Variants in FAM135B observed in about 807,000 individuals in gnomAD.
FAM135B encodes the protein protein FAM135B.
Under a neutral mutation model 127.7 loss-of-function variants are expected in FAM135B, and 43 were observed. The observed-to-expected ratio is 0.34, with a 90% CI of 0.26 to 0.43. The LOEUF is 0.43. Among genes scored for constraint, FAM135B ranks in the 20% least tolerant of loss-of-function variants. The pLI is 1.00. For missense variants in FAM135B, 1,558 were observed against 1,725.6 expected, an observed-to-expected ratio of 0.90 and a Z score of 1.72; for synonymous variants, 670 against 665.1, an observed-to-expected ratio of 1.01 and a Z score of -0.11.
chr8:138,338,718 T>C (rs537875976), intron 2 of FAM135B, among the ~76,000 whole-genome samples: 83 of 152,180 alleles, frequency 5.5e-4, no homozygotes, highest in African/African-American at 2.0e-3. Context: ...CTCAGGGATC[T>C]AGAACTAGAA....
In FAM135B at chr8:138,152,666, A is replaced by T. The variant is rs1818280281; in HGVS notation, c.1809T>A (p.Asn603Lys). ...GAGTTGTTTTGTCTGAAGAGATGGC[A>T]TTTTGGTGGCTTCCACCTACTACCA... ...SKVVVGGSHQ[N>K]AISSDKTTLH... Residue 603 changes from asparagine to lysine, a missense_variant, in exon 13 of 20, where the codon AAT (asparagine) becomes AAA (lysine). Physicochemically the swap from Asn to Lys is moderately conservative, Grantham distance 94. Around this residue, in one of 5 missense-constraint regions of FAM135B, gnomAD observed 923 missense variants for 865.3 expected, o/e 1.07. Transcript: ENST00000395297. 1.2e-6 allele frequency: 2 copies of T among 1,614,038 alleles called. No individual in the cohort carries two copies. Among genetic ancestry groups the T allele is most frequent in the Non-Finnish European group, 1.7e-6 (2 of 1,180,036 alleles).
At chr8:138,378,420 G>A (rs906744187) in intron 1 of FAM135B, among the ~76,000 whole-genome samples, 1 of 152,182 alleles carries the variant, frequency 6.6e-6, no homozygotes, top group Non-Finnish European at 1.5e-5. Flanking sequence ...ACTGCAAGTT[G>A]CTTTGGAGTC....
At chr8:138,173,312 A>T (rs1004444747) in intron 11 of FAM135B, among the ~76,000 whole-genome samples, 2 of 152,154 alleles carry the variant, frequency 1.3e-5, no homozygotes, top group Non-Finnish European at 1.5e-5. Context: ...AGAGGTTCAA[A>T]AATCTGCATT....
intron 1 of FAM135B, among the ~76,000 whole-genome samples, chr8:138,481,238 G>C (rs146927129): frequency 6.6e-6 from 1 of 152,334 alleles, no homozygotes; most frequent in East Asian, 1.9e-4. Flanking sequence ...CAGGCACTTT[G>C]TTAAGTCTGT....
intron 1 of FAM135B, among the ~76,000 whole-genome samples, chr8:138,488,011 A>G (rs1471838363): frequency 6.6e-6 from 1 of 151,792 alleles, no homozygotes; most frequent in Non-Finnish European, 1.5e-5. Context: ...CTCAAAAAAA[A>G]CAAAAAAAAA....
In FAM135B at chr8:138,152,090, A is replaced by G. The variant is rs369716038; in HGVS notation, c.2385T>C (p.Phe795=). 2 of 1,613,824 alleles carry G rather than the reference A, an allele frequency of 1.2e-6. No homozygotes were observed. The highest frequency in any genetic ancestry group is 2.7e-5 in the African/African-American group (2 of 74,924). ...DADTKQQDGG[F]AEPSDMHSKS... ...TGCTGTGCATATCTGAAGGTTCAGC[A>G]AAACCTCCATCTTGCTGCTTGGTGT... is the stretch of plus-strand genomic sequence containing the variant. The change falls in exon 13 of 20, where the codon TTT becomes TTC. Residue 795 remains phenylalanine (F), a synonymous_variant. Coordinates refer to ENST00000395297, the MANE Select transcript of FAM135B (RefSeq NM_015912.4).
At chr8:138,422,861 A>G (rs1271406548) in intron 1 of FAM135B, among the ~76,000 whole-genome samples, 1 of 152,210 alleles carries the variant, frequency 6.6e-6, no homozygotes, top group Non-Finnish European at 1.5e-5. Flanking sequence ...CATGTAATTT[A>G]CATACATATC....
At chr8:138,379,467 T>C (rs897426628) in intron 1 of FAM135B, among the ~76,000 whole-genome samples, 7 of 152,212 alleles carry the variant, frequency 4.6e-5, no homozygotes, top group Admixed American at 3.3e-4. Context: ...AACATCTGTA[T>C]GTTGTGCAAT....
intron 1 of FAM135B, among the ~76,000 whole-genome samples, chr8:138,473,344 G>A (rs953930005): frequency 3.9e-5 from 6 of 152,062 alleles, no homozygotes; most frequent in Non-Finnish European, 7.4e-5. Flanking sequence ...TCAAGAGTCC[G>A]TGGTGCCTAC....
intron 1 of FAM135B, among the ~76,000 whole-genome samples, chr8:138,436,264 C>G (rs1321397943): frequency 6.6e-6 from 1 of 152,098 alleles, no homozygotes; most frequent in Admixed American, 6.6e-5. Context: ...TCGGTAAGAT[C>G]AATGGATATA....
intron 7 of FAM135B, among the ~76,000 whole-genome samples, chr8:138,219,974 C>T (rs1818895632): frequency 6.6e-6 from 1 of 151,872 alleles, no homozygotes; most frequent in African/African-American, 2.4e-5. Context: ...TTTTTTCTCA[C>T]CCCAAACATA....
chr8:138,444,221 T>C (rs1461072200), intron 1 of FAM135B, among the ~76,000 whole-genome samples: 3 of 152,170 alleles, frequency 2.0e-5, no homozygotes, highest in Non-Finnish European at 4.4e-5. Context: ...AACACCCCAC[T>C]GTCAACATTA....
Position 138,148,537 on chromosome 8 carries a change from C to G in FAM135B, c.3431G>C (p.Cys1144Ser), listed in dbSNP as rs2130688299. The G allele has an allele frequency of 6.2e-7, 1 of 1,614,044 alleles. No individual in the cohort carries two copies. Among genetic ancestry groups the G allele is most frequent in the Non-Finnish European group, 8.5e-7 (1 of 1,179,960 alleles). The change falls in exon 14 of 20, where the codon TGT (cysteine) becomes TCT (serine). Residue 1144 changes from cysteine (C) to serine (S), a missense_variant. Physicochemically the swap from Cys to Ser is moderately radical, Grantham distance 112. This residue lies in a region of FAM135B where 194 missense variants were observed against 333.8 expected (regional missense o/e 0.58). Coordinates refer to ENST00000395297, the MANE Select transcript of FAM135B (RefSeq NM_015912.4). ...NLEDGIHLVV[C>S]VHGLDGNSAD... ...GAACTCACCATCCAGGCCATGGACACAGACAACCAGGTGAATTCCATCTTC... is the reference window on the plus strand; with the variant it reads ...GAACTCACCATCCAGGCCATGGACAGAGACAACCAGGTGAATTCCATCTTC...
intron 1 of FAM135B, among the ~76,000 whole-genome samples, chr8:138,473,008 G>A (rs1275218768): frequency 6.6e-6 from 1 of 152,142 alleles, no homozygotes; most frequent in East Asian, 1.9e-4. Context: ...CTAGTCAGAA[G>A]CACAGTCATT....
At chr8:138,271,499 G>A (rs1823373324) in intron 3 of FAM135B, among the ~76,000 whole-genome samples, 1 of 152,016 alleles carries the variant, frequency 6.6e-6, no homozygotes, top group Non-Finnish European at 1.5e-5. Flanking sequence ...CAAAACATTG[G>A]GATTCAGCAT....
intron 3 of FAM135B, among the ~76,000 whole-genome samples, chr8:138,274,782 T>A (rs1440312801): frequency 6.6e-6 from 1 of 152,176 alleles, no homozygotes; most frequent in Non-Finnish European, 1.5e-5. Context: ...TCCCATTTGC[T>A]TTTGAAAGAA....
chr8:138,163,635 G>A (rs965458989), intron 12 of FAM135B, among the ~76,000 whole-genome samples: 3 of 152,058 alleles, frequency 2.0e-5, no homozygotes, highest in South Asian at 2.1e-4. Context: ...CATGTAAGAC[G>A]TGCGTTTCAC....
At chr8:138,495,604 G>C (rs151134867) in intron 1 of FAM135B, among the ~76,000 whole-genome samples, 1 of 152,178 alleles carries the variant, frequency 6.6e-6, no homozygotes, top group Non-Finnish European at 1.5e-5. Flanking sequence ...ATATTATTCA[G>C]AGGCCTACTT....
chr8:138,449,505 C>T (rs939783256), intron 1 of FAM135B, among the ~76,000 whole-genome samples: 2 of 151,946 alleles, frequency 1.3e-5, no homozygotes, highest in Non-Finnish European at 2.9e-5. Flanking sequence ...GTAACCAATA[C>T]GAAGGGGTGG....
Sources: allele counts gnomAD v4.1 joint callset (sites outside exome capture counted in the v4.1 genomes callset), GRCh38; gene constraint gnomAD v4.1.1; regional missense constraint gnomAD v4.1.1; transcripts MANE v1.5; gene names NCBI Gene and HGNC (gene_info 2026-07-23, HGNC 2026-07-21).